HMX1: variants seen among roughly 807,000 people sequenced by gnomAD.
HMX1 encodes H6 family homeobox 1.
A neutral mutation model predicts 8.9 loss-of-function variants in HMX1; 8 were observed. The ratio of observed to expected loss-of-function variants is 0.90; its 90% CI spans 0.53 to 1.63. The LOEUF (loss-of-function observed/expected upper bound fraction) is 1.63. HMX1 is among the 40% of genes most tolerant of loss of function. The pLI is 0.00. For synonymous variants in HMX1, 311 were observed against 283.4 expected (o/e 1.10, Z -0.98); for missense variants, 621 against 558.5 (o/e 1.11, Z -1.13).
downstream of HMX1, among the ~76,000 whole-genome samples, chr4:8,864,282 C>T (rs1721921548): frequency 6.6e-6 from 1 of 152,192 alleles, no homozygotes; most frequent in Admixed American, 6.5e-5. Flanking sequence ...ATGGGGAAGT[C>T]GGACTGGGTC....
chr4:8,862,710 C>T (rs564894349), downstream of HMX1, among the ~76,000 whole-genome samples: 2 of 152,334 alleles, frequency 1.3e-5, no homozygotes, highest in South Asian at 2.1e-4. Context: ...TTGAACTTCA[C>T]TGCAATGTCC....
At chr4:8,854,178 TG>T (rs1345068150) in intron 1 of HMX1, among the ~76,000 whole-genome samples, 2 of 152,198 alleles carry the variant, frequency 1.3e-5, no homozygotes, top group East Asian at 3.9e-4. Context: ...AGCCAGGCAG[TG>T]GGGGGTCGAC....
chr4:8,863,057 A>AC (rs201751836), downstream of HMX1, among the ~76,000 whole-genome samples: 144,341 of 152,204 alleles, frequency 0.95, 68,555 homozygotes, highest in East Asian at 1. Context: ...GGTGGCTGGG[A>AC]CCCACTTCCC....
chr4:8,846,238 T>G, exon 2 of HMX1: 2 of 1,533,522 alleles, frequency 1.3e-6, no homozygotes, highest in South Asian at 1.2e-5. Context: ...AGGCTCCCAC[T>G]GTCACTTCTG....
In HMX1 at chr4:8,871,252, G is replaced by A. The variant is rs1451455941; in HGVS notation, c.363C>T (p.His121=). The change falls in exon 1 of 2, where the codon CAC becomes CAT. Residue 121 remains histidine, a synonymous_variant. Transcript: ENST00000400677. This position sits in a 1 kb window ranked among gnomAD's most constrained non-coding sequence, Gnocchi z 4.8. ...GGAARWYPRA[H]GGYGGGLSPD... is the part of the protein sequence containing the mutation. ...GACTGAGGCCGCCTCCATAGCCACC[G>A]TGCGCCCGTGGGTACCAGCGCGCTG... 1.3e-6 allele frequency: 2 copies of A among 1,486,224 alleles called. No homozygotes were observed. Among genetic ancestry groups the A allele is most frequent in the Non-Finnish European group, 1.8e-6 (2 of 1,125,026 alleles). The allele number at this position is 1,486,224 out of a possible 1,614,324, so 92.1% of individuals were successfully genotyped here.
exon 2 of HMX1, chr4:8,846,268 C>T (rs1485845937): frequency 9.8e-6 from 15 of 1,535,350 alleles, no homozygotes; most frequent in South Asian, 1.2e-5. Context: ...TATTTATCAG[C>T]TCTGGTCACC....
chr4:8,859,459 G>C (rs1379277724), intron 1 of HMX1, among the ~76,000 whole-genome samples: 1 of 152,118 alleles, frequency 6.6e-6, no homozygotes, highest in African/African-American at 2.4e-5. Context: ...TCCACAGTAT[G>C]GGGCCCTCTG....
At chr4:8,855,240 T>C (rs969607584) in intron 1 of HMX1, among the ~76,000 whole-genome samples, 7 of 152,218 alleles carry the variant, frequency 4.6e-5, no homozygotes, top group Admixed American at 4.6e-4. Flanking sequence ...TGCAGCTAAT[T>C]GGCTGTGCAA....
chr4:8,859,843 GGA>G (rs1337696373), intron 1 of HMX1, among the ~76,000 whole-genome samples: 1 of 152,242 alleles, frequency 6.6e-6, no homozygotes, highest in Non-Finnish European at 1.5e-5. Flanking sequence ...AGCTTCCAGG[GGA>G]GGCGGAAGGG....
At chr4:8,859,962 G>C (rs959473617) in intron 1 of HMX1, among the ~76,000 whole-genome samples, 6 of 152,264 alleles carry the variant, frequency 3.9e-5, no homozygotes, top group African/African-American at 1.2e-4. Context: ...TTGGGAGCAA[G>C]GAGGCACAAC....
At chr4:8,862,279 G>A (rs892200625), downstream of HMX1, among the ~76,000 whole-genome samples, 1 of 152,236 alleles carries the variant, frequency 6.6e-6, no homozygotes, top group East Asian at 1.9e-4. Context: ...GTGAGACCCC[G>A]ATTGGGCGTA....
Position 8,871,817 on chromosome 4 carries a change from G to A in HMX1, c.-203C>T. On this transcript the variant is annotated 5_prime_UTR_variant, in exon 1 of 2. Transcript: ENST00000400677. This position sits in a 1 kb window ranked among gnomAD's most constrained non-coding sequence, Gnocchi z 4.8. Reference sequence around the variant, plus strand: ...GCGAGTGCGCGCCGACAGCTGATCGGGCAGCCGCCTGGCTCGCCTTTCAGG... The same window carrying A: ...GCGAGTGCGCGCCGACAGCTGATCGAGCAGCCGCCTGGCTCGCCTTTCAGG... The A allele has an allele frequency of 6.7e-6, 4 of 596,020 alleles. No individual in the cohort carries two copies. The highest frequency in any genetic ancestry group is 6.8e-5 in the South Asian group (1 of 14,726). The allele number at this position is 596,020 out of a possible 1,614,324, so 36.9% of individuals were successfully genotyped here. A position where few individuals can be genotyped will look rare whatever the true frequency, so the allele number is the denominator to read the frequency against.
Position 8,848,843 on chromosome 4 carries a change from C to T in HMX1, c.395-2519G>A, listed in dbSNP as rs1255841545. Among the ~76,000 whole-genome samples the T allele has an allele frequency of 6.6e-6, 1 of 152,212 alleles. No homozygotes were observed. Among genetic ancestry groups the T allele is most frequent in the African/African-American group, 2.4e-5 (1 of 41,452 alleles). ...CACAGGCTGCTGCCCAAGGGAAGGGCCTGGAGTCCCTGACACTTGGCCATC... is the reference window on the plus strand; with the variant it reads ...CACAGGCTGCTGCCCAAGGGAAGGGTCTGGAGTCCCTGACACTTGGCCATC... On this transcript the variant is annotated intron_variant, in intron 1 of 1. Coordinates refer to the HMX1 transcript ENST00000506970. This position sits in a 1 kb window ranked among gnomAD's most constrained non-coding sequence, Gnocchi z 4.1.
In HMX1 at chr4:8,853,968, C is replaced by T. The variant is rs1721531907; in HGVS notation, c.395-7644G>A. Among the ~76,000 whole-genome samples, 1 of 152,210 alleles carries T rather than the reference C, an allele frequency of 6.6e-6. No individual in the cohort carries two copies. Among genetic ancestry groups the T allele is most frequent in the African/African-American group, 2.4e-5 (1 of 41,456 alleles). On this transcript the variant is annotated intron_variant, in intron 1 of 1. Coordinates refer to the HMX1 transcript ENST00000506970. This position sits in a 1 kb window ranked among gnomAD's most constrained non-coding sequence, Gnocchi z 4.7. ...AAGCTTTTTGCTTTTGCGTTTACAT[C>T]TTGAACCAGCCTGAGAGGAAGTGTG...
intron 1 of HMX1, among the ~76,000 whole-genome samples, chr4:8,856,715 C>T (rs1440954905): frequency 2.6e-5 from 4 of 152,188 alleles, no homozygotes; most frequent in Non-Finnish European, 5.9e-5. Flanking sequence ...CCATCTTCTA[C>T]CTGGTTATAC....
At chr4:8,859,541 G>A (rs374949475) in intron 1 of HMX1, among the ~76,000 whole-genome samples, 1 of 152,128 alleles carries the variant, frequency 6.6e-6, no homozygotes, top group Non-Finnish European at 1.5e-5. Context: ...AAGAGGGAGA[G>A]GAGGATTGAG....
chr4:8,865,027 A>T (rs1422824837), downstream of HMX1, among the ~76,000 whole-genome samples: 1 of 152,246 alleles, frequency 6.6e-6, no homozygotes, highest in Admixed American at 6.5e-5. Context: ...CCTAGTAGCC[A>T]GAGTGGACGA....
rs369611538 is a variant in HMX1, at chr4:8,867,156, G to A, written c.*537C>T. On this transcript the variant is annotated 3_prime_UTR_variant, in exon 2 of 2. Transcript: ENST00000400677. ...AGAGAGCCCCAGCCTGCCTGCTCCT[G>A]GAACGGACGATGGGACCCACAGGTC... is the stretch of plus-strand genomic sequence containing the variant. 35 of 985,482 alleles carry A rather than the reference G, an allele frequency of 3.6e-5. No individual in the cohort carries two copies. The East Asian group carries it at 2.4e-3, about 67-fold the overall frequency. 61.0% of individuals were successfully genotyped at this position (985,482 alleles called of 1,614,324 possible).
At position 8,867,816 on chromosome 4, in the gene HMX1, G is replaced by A. The variant is rs1341148427; in HGVS notation, c.924C>T (p.Pro308=). ...GCGGTGGGGGCGGCGCGGGCGCGGC[G>A]GGCGCCAGCGGGAAGGGCAGGGTGG... ...PPATLPFPLA[P]AAPAPPPPLL... is the part of the protein sequence containing the mutation. Residue 308 remains proline, a synonymous_variant, in exon 2 of 2, where the codon CCC becomes CCT. Transcript: ENST00000400677. 5 of 1,225,604 alleles carry A rather than the reference G, an allele frequency of 4.1e-6. No homozygotes were observed. Among genetic ancestry groups the A allele is most frequent in the East Asian group, 3.3e-5 (1 of 30,282 alleles). 75.9% of individuals were successfully genotyped at this position (1,225,604 alleles called of 1,614,324 possible). A position where few individuals can be genotyped will look rare whatever the true frequency, so the allele number is the denominator to read the frequency against.
Sources: allele counts gnomAD v4.1 joint callset (sites outside exome capture counted in the v4.1 genomes callset), GRCh38; gene constraint gnomAD v4.1.1; non-coding constraint Gnocchi (gnomAD v3.1); transcripts MANE v1.5; gene names NCBI Gene and HGNC (gene_info 2026-07-23, HGNC 2026-07-21).